TECPR2: variants seen among roughly 807,000 people sequenced by gnomAD.
TECPR2 encodes tectonin beta-propeller repeat-containing protein 2.
A neutral mutation model predicts 138.1 loss-of-function variants in TECPR2; 65 were observed. The observed-to-expected ratio is 0.47, with a 90% CI of 0.39 to 0.58. TECPR2 has a LOEUF of 0.58. Ranked by LOEUF, TECPR2 falls within the 20% of genes least tolerant of loss-of-function variation. TECPR2 has a pLI of 0.00. For synonymous variants in TECPR2, 746 were observed against 749.8 expected (o/e 0.99, Z 0.08); for missense variants, 1,553 against 1,824.5 (o/e 0.85, Z 2.71).
chr14:102,391,329 G>A (rs1487830134), intron 2 of TECPR2, among the ~76,000 whole-genome samples: 1 of 152,128 alleles, frequency 6.6e-6, no homozygotes, highest in African/African-American at 2.4e-5. Context: ...CAAAGTGCTG[G>A]GATTACAGGC....
At chr14:102,363,431 A>C (rs755886274) in intron 1 of TECPR2, among the ~76,000 whole-genome samples, 48 of 151,684 alleles carry the variant, frequency 3.2e-4, no homozygotes, top group Admixed American at 5.2e-4. Context: ...CCCACCCTGC[A>C]TCCCGGCTGC....
intron 1 of TECPR2, among the ~76,000 whole-genome samples, chr14:102,368,786 C>T (rs1025705809): frequency 6.6e-6 from 1 of 151,072 alleles, no homozygotes; most frequent in Non-Finnish European, 1.5e-5. Flanking sequence ...GCAGTGTAGG[C>T]GAGGGATATG....
Position 102,452,488 on chromosome 14 carries a change from C to T in TECPR2, c.3501C>T (p.Pro1167=), listed in dbSNP as rs746956794. The change falls in exon 16 of 20, where the codon CCC becomes CCT. Residue 1167 remains proline (P), a synonymous_variant. Coordinates refer to ENST00000359520, the MANE Select transcript of TECPR2 (RefSeq NM_014844.5). The stretch of plus-strand genomic sequence containing the variant: ...GGCCCTCCACGGTGCAGCTGCCTCC[C>T]GAAGCCGAGATGCGCGCCTATGCCG... ...QSRPSTVQLP[P]EAEMRAYAAC... 13 of 1,613,300 alleles carry T rather than the reference C, an allele frequency of 8.1e-6. No homozygotes were observed. The highest frequency in any genetic ancestry group is 5.3e-5 in the African/African-American group (4 of 74,952).
At chr14:102,380,803 C>G (rs1433090753) in intron 2 of TECPR2, among the ~76,000 whole-genome samples, 1 of 152,154 alleles carries the variant, frequency 6.6e-6, no homozygotes, top group Non-Finnish European at 1.5e-5. Flanking sequence ...CTCAGCCTCC[C>G]AAGTAGCTGG....
chr14:102,485,424 C>T (rs1249474793), intron 17 of TECPR2, among the ~76,000 whole-genome samples: 2 of 152,112 alleles, frequency 1.3e-5, no homozygotes, highest in Non-Finnish European at 2.9e-5. Context: ...ATTTAAACAT[C>T]TATTGTTTTT....
intron 1 of TECPR2, among the ~76,000 whole-genome samples, chr14:102,364,100 T>A (rs1011899125): frequency 6.6e-6 from 1 of 152,222 alleles, no homozygotes; most frequent in Non-Finnish European, 1.5e-5. Flanking sequence ...CCTTTTCTCA[T>A]CTATTGGAGT....
intron 1 of TECPR2, among the ~76,000 whole-genome samples, chr14:102,366,896 G>T (rs1403263054): frequency 6.6e-6 from 1 of 152,172 alleles, no homozygotes; most frequent in Non-Finnish European, 1.5e-5. Context: ...GGGACAGTTG[G>T]GTACTCTTGA....
intron 1 of TECPR2, among the ~76,000 whole-genome samples, chr14:102,363,717 G>A (rs1249260964): frequency 6.6e-6 from 1 of 152,242 alleles, no homozygotes; most frequent in African/African-American, 2.4e-5. Context: ...TCCTAGCTCT[G>A]TGCTGGGGCA....
chr14:102,497,672 C>G lies in TECPR2; in HGVS notation c.4034C>G (p.Ala1345Gly). Residue 1345 changes from alanine (A) to glycine (G), a missense_variant, in exon 19 of 20, where the codon GCC (alanine) becomes GGC (glycine). Ala to Gly is a moderately conservative substitution (Grantham distance 60). Transcript: ENST00000359520. The part of the protein sequence containing the change: ...RRYGVTDKNP[A>G]GDYWKKIPGS... ...TACGGCGTCACAGACAAGAACCCCG[C>G]CGGGGACTACTGGAAGAAAATTCCC... The G allele has an allele frequency of 6.2e-7, 1 of 1,609,226 alleles. No homozygotes were observed. The highest frequency in any genetic ancestry group is 8.5e-7 in the Non-Finnish European group (1 of 1,178,296).
chr14:102,492,142 T>C (rs149109369), intron 17 of TECPR2, among the ~76,000 whole-genome samples: 1 of 152,242 alleles, frequency 6.6e-6, no homozygotes, highest in East Asian at 1.9e-4. Flanking sequence ...GGTGTCCCCA[T>C]GTGCTTTTCG....
chr14:102,378,805 A>G (rs1312161719), intron 2 of TECPR2, among the ~76,000 whole-genome samples: 2 of 152,026 alleles, frequency 1.3e-5, no homozygotes, highest in African/African-American at 2.4e-5. Flanking sequence ...TTGTATTTTT[A>G]GTAGAGACGG....
intron 1 of TECPR2, among the ~76,000 whole-genome samples, chr14:102,373,471 CAT>C (rs1887559914): frequency 2.0e-5 from 3 of 152,266 alleles, no homozygotes; most frequent in African/African-American, 7.2e-5. Context: ...TGTAGGCTAA[CAT>C]AAGTATTCTA....
At chr14:102,374,225 G>T (rs182361707) in intron 1 of TECPR2, among the ~76,000 whole-genome samples, 21 of 152,106 alleles carry the variant, frequency 1.4e-4, no homozygotes, top group Admixed American at 1.2e-3. Flanking sequence ...CCATTTTTTA[G>T]AATTTTATAT....
chr14:102,468,906 C>A (rs1208720207), intron 17 of TECPR2, among the ~76,000 whole-genome samples: 1 of 152,146 alleles, frequency 6.6e-6, no homozygotes, highest in Non-Finnish European at 1.5e-5. Flanking sequence ...TTGTCAAAAT[C>A]AATTGATTGT....
intron 16 of TECPR2, among the ~76,000 whole-genome samples, chr14:102,459,312 T>A (rs1213284780): frequency 6.6e-6 from 1 of 152,126 alleles, no homozygotes; most frequent in African/African-American, 2.4e-5. Context: ...GATCCTATAT[T>A]TGGCCATGTT....
intron 2 of TECPR2, among the ~76,000 whole-genome samples, chr14:102,387,432 G>T (rs1223278543): frequency 6.6e-6 from 1 of 152,056 alleles, no homozygotes; most frequent in Non-Finnish European, 1.5e-5. Context: ...TACCTGACCT[G>T]AGTTTCTAAT....
At chr14:102,493,287 A>G (rs1044200778) in intron 17 of TECPR2, among the ~76,000 whole-genome samples, 1 of 152,208 alleles carries the variant, frequency 6.6e-6, no homozygotes, top group Non-Finnish European at 1.5e-5. Flanking sequence ...AGTGGGCTGA[A>G]TGGCGAGGCC....
rs1049461516 is a variant in TECPR2 at position 102,501,679 on chromosome 14, C to A, written c.*3422C>A. On this transcript the variant is annotated 3_prime_UTR_variant, in exon 20 of 20. Coordinates refer to ENST00000359520, the MANE Select transcript of TECPR2 (RefSeq NM_014844.5). The stretch of plus-strand genomic sequence containing the variant: ...AACCTATACAACAATAAGAGGAGTG[C>A]GCCCTTCAGCAGCATGTATACAAAA... The A allele has an allele frequency of 6.6e-6, 1 of 152,130 alleles. No homozygotes were observed. Among genetic ancestry groups the A allele is most frequent in the Non-Finnish European group, 1.5e-5 (1 of 68,038 alleles). The allele number at this position is 152,130 out of a possible 1,614,324, so 9.4% of individuals were successfully genotyped here. A position where few individuals can be genotyped will look rare whatever the true frequency, so the allele number is the denominator to read the frequency against.
At position 102,499,073 on chromosome 14, in the gene TECPR2, G is replaced by A. The variant is rs1325149450; in HGVS notation, c.*816G>A. ...CCACACCTCACTGCCCACACACGGCGCAGGCTGCCCGCCTCCTGGAGAGCA... is the reference window on the plus strand; with the variant it reads ...CCACACCTCACTGCCCACACACGGCACAGGCTGCCCGCCTCCTGGAGAGCA... On this transcript the variant is annotated 3_prime_UTR_variant, in exon 20 of 20. Coordinates refer to ENST00000359520, the MANE Select transcript of TECPR2 (RefSeq NM_014844.5). The A allele has an allele frequency of 7.1e-6, 5 of 702,548 alleles. No individual in the cohort carries two copies. Among genetic ancestry groups the A allele is most frequent in the East Asian group, 5.4e-5 (2 of 37,282 alleles). The allele number at this position is 702,548 out of a possible 1,614,324, so 43.5% of individuals were successfully genotyped here. A position where few individuals can be genotyped will look rare whatever the true frequency, so the allele number is the denominator to read the frequency against.
Sources: allele counts gnomAD v4.1 joint callset (sites outside exome capture counted in the v4.1 genomes callset), GRCh38; gene constraint gnomAD v4.1.1; transcripts MANE v1.5; gene names NCBI Gene and HGNC (gene_info 2026-07-23, HGNC 2026-07-21).